Variants in CORO2B observed in about 807,000 individuals in gnomAD.
CORO2B encodes coronin-2B.
CORO2B carries 26 observed loss-of-function variants against 58.8 expected under a neutral mutation model. The ratio of observed to expected loss-of-function variants is 0.44; its 90% CI spans 0.32 to 0.61. The LOEUF (loss-of-function observed/expected upper bound fraction) is 0.61, where lower values mean the gene tolerates loss of function less well. Among genes scored for constraint, CORO2B ranks in the 20% least tolerant of loss-of-function variants. CORO2B has a pLI of 0.04. For synonymous variants in CORO2B, 242 were observed against 253.8 expected (o/e 0.95, Z 0.44); for missense variants, 460 against 645.1 (o/e 0.71, Z 3.11).
At chr15:68,643,008 A>G (rs997540493) in intron 1 of CORO2B, among the ~76,000 whole-genome samples, 27 of 152,190 alleles carry the variant, frequency 1.8e-4, no homozygotes, top group Non-Finnish European at 7.4e-5. Flanking sequence ...AGGTCCACCA[A>G]CCACCCATAC....
chr15:68,545,844 G>C, the CORO2B span, among the ~76,000 whole-genome samples: 65 of 152,328 alleles, frequency 4.3e-4, no homozygotes, highest in African/African-American at 1.6e-3. Flanking sequence ...CCAGCCCTCA[G>C]CCTCAAAGGT....
intron 2 of CORO2B, among the ~76,000 whole-genome samples, chr15:68,651,751 G>T (rs1462254366): frequency 1.3e-5 from 2 of 152,156 alleles, no homozygotes; most frequent in Non-Finnish European, 2.9e-5. Flanking sequence ...GACCAGAAGA[G>T]AACAGCACCT....
chr15:68,726,129 C>T lies in CORO2B; in HGVS notation c.*155C>T, dbSNP rs1893293539. The T allele has an allele frequency of 1.1e-6, 1 of 934,690 alleles. No homozygotes were observed. The highest frequency in any genetic ancestry group is 1.6e-6 in the Non-Finnish European group (1 of 624,228). The allele number at this position is 934,690 out of a possible 1,614,324, so 57.9% of individuals were successfully genotyped here. On this transcript the variant is annotated 3_prime_UTR_variant, in exon 12 of 12. Coordinates refer to ENST00000261861, the MANE Select transcript of CORO2B (RefSeq NM_006091.5). ...ACCACCTCGAGAACTGGAAGCCAACCTCTAACCTCCTGACCTCATGCTAAT... is the reference window on the plus strand; with the variant it reads ...ACCACCTCGAGAACTGGAAGCCAACTTCTAACCTCCTGACCTCATGCTAAT...
chr15:68,595,600 C>T (rs1338545243), intron 1 of CORO2B, among the ~76,000 whole-genome samples: 2 of 152,218 alleles, frequency 1.3e-5, no homozygotes, highest in African/African-American at 4.8e-5. Context: ...CTGGCTTGGT[C>T]TTCCTGTTTC....
At chr15:68,701,705 C>T in intron 3 of CORO2B, among the ~76,000 whole-genome samples, 1 of 151,960 alleles carries the variant, frequency 6.6e-6, no homozygotes. Context: ...AGGACGATCT[C>T]AATCTCCTGA....
the CORO2B span, among the ~76,000 whole-genome samples, chr15:68,555,767 G>A: frequency 1.1e-4 from 17 of 151,720 alleles, no homozygotes; most frequent in Admixed American, 9.8e-4. Flanking sequence ...TCTGGGGGAA[G>A]TGGCCCCTCT....
intron 1 of CORO2B, among the ~76,000 whole-genome samples, chr15:68,636,552 C>T (rs774438473): frequency 2.6e-4 from 39 of 152,094 alleles, no homozygotes; most frequent in Non-Finnish European, 4.6e-4. Flanking sequence ...AGCTGGGTGG[C>T]GAGGAGGAAT....
At chr15:68,596,547 G>A (rs960096763) in intron 1 of CORO2B, among the ~76,000 whole-genome samples, 3 of 152,154 alleles carry the variant, frequency 2.0e-5, no homozygotes, top group Non-Finnish European at 4.4e-5. Flanking sequence ...AGGGGAAGGT[G>A]GGTTCTGGCT....
At chr15:68,704,110 C>T (rs971776116) in intron 3 of CORO2B, among the ~76,000 whole-genome samples, 2 of 150,860 alleles carry the variant, frequency 1.3e-5, no homozygotes, top group East Asian at 2.0e-4. Context: ...CATGGTGGTG[C>T]GCATCTGTAG....
At chr15:68,694,360 T>C (rs749759164) in intron 2 of CORO2B, among the ~76,000 whole-genome samples, 1 of 152,220 alleles carries the variant, frequency 6.6e-6, no homozygotes, top group Non-Finnish European at 1.5e-5. Flanking sequence ...AAAGTAGACA[T>C]TGCTATTCTC....
chr15:68,594,386 C>G (rs1179882182), intron 1 of CORO2B, among the ~76,000 whole-genome samples: 1 of 152,218 alleles, frequency 6.6e-6, no homozygotes, highest in Non-Finnish European at 1.5e-5. Context: ...GGTGGAGGCG[C>G]TTTTGGTACA....
chr15:68,587,414 G>A (rs547489379), intron 1 of CORO2B, among the ~76,000 whole-genome samples: 3 of 152,252 alleles, frequency 2.0e-5, no homozygotes, highest in African/African-American at 7.2e-5. Flanking sequence ...CTAATTGCTG[G>A]GAAGCCTCCA....
At chr15:68,701,488 T>TTTA (rs1892647315) in intron 3 of CORO2B, among the ~76,000 whole-genome samples, 12 of 116,884 alleles carry the variant, frequency 1.0e-4, no homozygotes, top group Admixed American at 8.7e-4. Flanking sequence ...ATTTTTTTTT[T>TTTA]TTTTTTTTTT....
intron 1 of CORO2B, among the ~76,000 whole-genome samples, chr15:68,603,692 A>G (rs1275317000): frequency 6.6e-6 from 1 of 152,160 alleles, no homozygotes; most frequent in East Asian, 1.9e-4. Context: ...CCGCATCTGC[A>G]CAGAGGACAC....
intron 1 of CORO2B, among the ~76,000 whole-genome samples, chr15:68,582,780 G>C (rs1210940694): frequency 6.6e-6 from 1 of 152,196 alleles, no homozygotes; most frequent in Non-Finnish European, 1.5e-5. Flanking sequence ...ATGTGACCCA[G>C]AGGTGGGTCT....
chr15:68,639,669 A>C (rs1901144600), intron 1 of CORO2B, among the ~76,000 whole-genome samples: 1 of 152,144 alleles, frequency 6.6e-6, no homozygotes, highest in Non-Finnish European at 1.5e-5. Context: ...GAGGTCATCC[A>C]CCTAAATCTT....
intron 11 of CORO2B, among the ~76,000 whole-genome samples, chr15:68,723,463 G>GT (rs1361142182): frequency 5.3e-5 from 8 of 149,988 alleles, no homozygotes; most frequent in Admixed American, 4.0e-4. Context: ...GTTTTGTTTT[G>GT]TTTTGTTTTG....
chr15:68,531,537 AAGGAAGGAAGGAAGGAAG>A, the CORO2B span, among the ~76,000 whole-genome samples: 2 of 133,710 alleles, frequency 1.5e-5, no homozygotes, highest in Non-Finnish European at 1.6e-5. Context: ...GGAAGGAAGG[AAGGAAGGAAGGAAGGAAG>A]GAAAGAAAGA....
chr15:68,621,609 G>T (rs1370793344), intron 1 of CORO2B, among the ~76,000 whole-genome samples: 2 of 152,152 alleles, frequency 1.3e-5, no homozygotes, highest in Non-Finnish European at 2.9e-5. Context: ...GGTTACCAGA[G>T]CCTTGTGAGA....
Sources: gnomAD v4.1 joint callset for allele counts (sites outside exome capture counted in the v4.1 genomes callset) on GRCh38, gnomAD v4.1.1 for gene constraint, MANE v1.5 for transcripts, NCBI Gene and HGNC (gene_info 2026-07-23, HGNC 2026-07-21) for gene names.